PRKG2: variants seen among roughly 807,000 people sequenced by gnomAD.
The protein encoded by PRKG2 is cGMP-dependent protein kinase 2.
Under a neutral mutation model 97.2 loss-of-function variants are expected in PRKG2, and 33 were observed. The ratio of observed to expected loss-of-function variants is 0.34; its 90% CI spans 0.26 to 0.45. PRKG2 has a LOEUF of 0.45. Ranked by LOEUF, PRKG2 falls within the 20% of genes least tolerant of loss-of-function variation. PRKG2 has a pLI of 1.00. For missense variants in PRKG2, 638 were observed against 900.0 expected, an observed-to-expected ratio of 0.71 and a Z score of 3.73; for synonymous variants, 330 against 321.8, an observed-to-expected ratio of 1.03 and a Z score of -0.27.
At chr4:81,134,037 G>C (rs139418135) in intron 14 of PRKG2, among the ~76,000 whole-genome samples, 2 of 152,230 alleles carry the variant, frequency 1.3e-5, no homozygotes, top group African/African-American at 4.8e-5. Context: ...TCCTGTGTTA[G>C]TACCTCACCA....
intron 18 of PRKG2, among the ~76,000 whole-genome samples, chr4:81,092,002 A>C (rs1413627141): frequency 6.6e-6 from 1 of 152,202 alleles, no homozygotes; most frequent in Non-Finnish European, 1.5e-5. Flanking sequence ...AATATTTTGG[A>C]GGTATTATGA....
intron 3 of PRKG2, among the ~76,000 whole-genome samples, chr4:81,172,385 C>T (rs1186749419): frequency 3.9e-5 from 6 of 152,130 alleles, no homozygotes; most frequent in Non-Finnish European, 7.4e-5. Context: ...GACTGCCTGG[C>T]TGTGTCCTGA....
In PRKG2 at chr4:81,089,406, A is replaced by T. The variant is rs1741328088; in HGVS notation, c.*302T>A. 3.8e-6 allele frequency: 1 copy of T among 259,986 alleles called. No homozygotes were observed. Among genetic ancestry groups the T allele is most frequent in the South Asian group, 1.1e-4 (1 of 9,434 alleles). The allele number at this position is 259,986 out of a possible 1,614,324, so 16.1% of individuals were successfully genotyped here. The stretch of plus-strand genomic sequence containing the variant: ...GGATATGATTGGAATGGAACAATAG[A>T]TTGCAGAAAAAACTGCCACTTTAAC... On this transcript the variant is annotated 3_prime_UTR_variant, in exon 19 of 19. Transcript: ENST00000264399.
At chr4:81,159,709 C>T (rs897889761) in intron 6 of PRKG2, among the ~76,000 whole-genome samples, 2 of 151,828 alleles carry the variant, frequency 1.3e-5, no homozygotes, top group African/African-American at 4.8e-5. Context: ...AGAACCAACC[C>T]AAATGTCCAA....
At chr4:81,179,315 A>G (rs893098387) in intron 2 of PRKG2, among the ~76,000 whole-genome samples, 1 of 152,190 alleles carries the variant, frequency 6.6e-6, no homozygotes, top group Non-Finnish European at 1.5e-5. Context: ...AGCTAGAAAA[A>G]AAAGGCATTA....
chr4:81,130,072 A>C (rs1746016212), intron 14 of PRKG2, among the ~76,000 whole-genome samples: 1 of 151,814 alleles, frequency 6.6e-6, no homozygotes, highest in Non-Finnish European at 1.5e-5. Flanking sequence ...AAAGGATTTT[A>C]TTTTTCCTCG....
chr4:81,153,440 TAAG>T (rs1748618471), intron 7 of PRKG2: 1 of 484,200 alleles, frequency 2.1e-6, no homozygotes, highest in Admixed American at 3.5e-5. Context: ...ATAACATCAC[TAAG>T]AAGTTATTAT....
intron 14 of PRKG2, among the ~76,000 whole-genome samples, chr4:81,119,680 T>G (rs1036859100): frequency 8.5e-5 from 10 of 118,276 alleles, no homozygotes; most frequent in African/African-American, 3.0e-4. Flanking sequence ...TGAATTGAAT[T>G]TTTTTTTTTT....
At chr4:81,167,881 A>G (rs1172854288) in intron 5 of PRKG2, among the ~76,000 whole-genome samples, 2 of 152,006 alleles carry the variant, frequency 1.3e-5, no homozygotes, top group African/African-American at 4.8e-5. Flanking sequence ...AAGAGGCTGG[A>G]AAGAACATGG....
At chr4:81,216,850 A>C (rs1020174690), upstream of PRKG2, among the ~76,000 whole-genome samples, 4 of 150,626 alleles carry the variant, frequency 2.7e-5, no homozygotes, top group African/African-American at 9.8e-5. Flanking sequence ...GTTGCTGCAA[A>C]AGATATGATT....
At chr4:81,126,040 G>T (rs111942750) in intron 14 of PRKG2, among the ~76,000 whole-genome samples, 1 of 151,948 alleles carries the variant, frequency 6.6e-6, no homozygotes, top group African/African-American at 2.4e-5. Context: ...CCCCCCAGCC[G>T]CCAACAGGCC....
intron 14 of PRKG2, among the ~76,000 whole-genome samples, chr4:81,115,905 C>T (rs957218570): frequency 3.3e-5 from 5 of 152,128 alleles, no homozygotes; most frequent in Admixed American, 6.5e-5. Flanking sequence ...TACATATTTC[C>T]GTGCTTTTTG....
intron 7 of PRKG2, among the ~76,000 whole-genome samples, chr4:81,152,682 C>T (rs931047494): frequency 2.6e-5 from 4 of 152,048 alleles, no homozygotes; most frequent in African/African-American, 9.7e-5. Flanking sequence ...CTGATTCAGG[C>T]TGAATAGAAA....
At chr4:81,161,848 A>C (rs1749611968) in intron 6 of PRKG2, among the ~76,000 whole-genome samples, 1 of 152,130 alleles carries the variant, frequency 6.6e-6, no homozygotes, top group East Asian at 1.9e-4. Flanking sequence ...TAAAGTCCCA[A>C]ACTTTAAGCA....
chr4:81,161,082 T>C (rs942526664), intron 6 of PRKG2, among the ~76,000 whole-genome samples: 1 of 152,212 alleles, frequency 6.6e-6, no homozygotes, highest in Non-Finnish European at 1.5e-5. Context: ...TTATCTGTTG[T>C]TTTTCAATAC....
At chr4:81,134,746 CTA>C (rs1341487517) in intron 14 of PRKG2, among the ~76,000 whole-genome samples, 3 of 152,040 alleles carry the variant, frequency 2.0e-5, no homozygotes, top group African/African-American at 7.2e-5. Flanking sequence ...ACTAAAGTCT[CTA>C]TGTTTATCTT....
intron 16 of PRKG2, among the ~76,000 whole-genome samples, chr4:81,105,289 T>A (rs1210763366): frequency 6.6e-6 from 1 of 152,158 alleles, no homozygotes; most frequent in Admixed American, 6.6e-5. Flanking sequence ...CCACTTCCCT[T>A]CAGCCTCCCC....
chr4:81,194,481 A>C (rs1752817084), intron 2 of PRKG2, among the ~76,000 whole-genome samples: 1 of 151,942 alleles, frequency 6.6e-6, no homozygotes, highest in African/African-American at 2.4e-5. Flanking sequence ...CATCCCATGG[A>C]TGTCATAAAA....
intron 12 of PRKG2, among the ~76,000 whole-genome samples, chr4:81,138,833 G>A (rs1331596053): frequency 6.6e-6 from 1 of 152,114 alleles, no homozygotes; most frequent in Non-Finnish European, 1.5e-5. Flanking sequence ...TTTTAAAAGT[G>A]CATCCATTCT....
Sources: allele counts gnomAD v4.1 joint callset (sites outside exome capture counted in the v4.1 genomes callset), GRCh38; gene constraint gnomAD v4.1.1; transcripts MANE v1.5; gene names NCBI Gene and HGNC (gene_info 2026-07-23, HGNC 2026-07-21).